CIC: variants seen among roughly 807,000 people sequenced by gnomAD.
CIC encodes capicua transcriptional repressor.
A neutral mutation model predicts 115.7 loss-of-function variants in CIC; 18 were observed. The observed-to-expected ratio is 0.16, with a 90% confidence interval of 0.11 to 0.23. The LOEUF (loss-of-function observed/expected upper bound fraction) is 0.23. CIC is among the 10% of genes least tolerant of loss of function. The probability of loss-of-function intolerance (pLI) is 1.00; values close to 1 mark genes in which losing one functional copy is unlikely to be tolerated. For synonymous variants in CIC, 1,076 were observed against 923.0 expected (o/e 1.17, Z -3.01); for missense variants, 2,000 against 2,159.3 (o/e 0.93, Z 1.46).
chr19:42,284,628 A>G (rs2037482577), intron 2 of CIC: 2 of 1,122,346 alleles, frequency 1.8e-6, no homozygotes, highest in Non-Finnish European at 2.5e-6. Flanking sequence ...GCGACGGCCG[A>G]GGAGCGGGCT....
At chr19:42,285,503 C>A (rs1450382193) in intron 2 of CIC, among the ~76,000 whole-genome samples, 1 of 152,200 alleles carries the variant, frequency 6.6e-6, no homozygotes, top group South Asian at 2.1e-4. Flanking sequence ...CTGAGGTCTA[C>A]TTTTTCCTTT....
Position 42,287,956 on chromosome 19 carries a change from C to T in CIC, c.3639C>T (p.Gly1213=), listed in dbSNP as rs2147207685. The T allele has an allele frequency of 6.3e-7, 1 of 1,598,290 alleles. No homozygotes were observed. The highest frequency in any genetic ancestry group is 8.5e-7 in the Non-Finnish European group (1 of 1,173,090). Residue 1213 remains glycine (G), a synonymous_variant, in exon 7 of 21, where the codon GGC becomes GGT. Transcript: ENST00000681038. The surrounding 1 kb of genome is among the most constrained non-coding windows in gnomAD (Gnocchi z 8.7). ...ETRERSMSET[G]TAAAPGVSSE... ...GGGAGCGGAGCATGTCGGAGACGGGCACTGCTGCTGCCCCTGGGGGTTAGT... is the reference window on the plus strand; with the variant it reads ...GGGAGCGGAGCATGTCGGAGACGGGTACTGCTGCTGCCCCTGGGGGTTAGT...
chr19:42,281,151 T>G (rs2147093150), intron 2 of CIC, among the ~76,000 whole-genome samples: 2 of 149,926 alleles, frequency 1.3e-5, no homozygotes, highest in East Asian at 2.0e-4. Context: ...TGGGTGGGTG[T>G]GTATGTGGAA....
rs190187068 is a variant in CIC, at chr19:42,270,518, G to C, written c.-11+1137G>C. Among the ~76,000 whole-genome samples, 21 of 152,340 alleles carry C rather than the reference G, an allele frequency of 1.4e-4. No individual in the cohort carries two copies. Among genetic ancestry groups the C allele is most frequent in the African/African-American group, 4.6e-4 (19 of 41,574 alleles). Reference sequence around the variant, plus strand: ...TTCTTTTCTCAGGGCAGCTCGAAAGGGGGCGGGCAGTAATGACTGTTCAGG... The same window carrying C: ...TTCTTTTCTCAGGGCAGCTCGAAAGCGGGCGGGCAGTAATGACTGTTCAGG... On this transcript the variant is annotated intron_variant, in intron 1 of 20. Transcript: ENST00000681038. This position sits in a 1 kb window ranked among gnomAD's most constrained non-coding sequence, Gnocchi z 4.1.
chr19:42,288,427 T>G (rs1417013630), intron 7 of CIC, among the ~76,000 whole-genome samples: 2 of 152,218 alleles, frequency 1.3e-5, no homozygotes, highest in Non-Finnish European at 2.9e-5. Context: ...GATGGGCTGC[T>G]TCCACTTATT....
chr19:42,292,892 T>G (rs1439823812), intron 15 of CIC, 33 bp downstream of exon 15: 1 of 1,613,470 alleles, frequency 6.2e-7, no homozygotes, highest in Non-Finnish European at 8.5e-7. Context: ...GCAGAGTGAG[T>G]TGGGGGACCC....
intron 11 of CIC, 40 bp downstream of exon 11, chr19:42,291,506 G>A (rs752302270): frequency 6.2e-7 from 1 of 1,613,134 alleles, no homozygotes; most frequent in East Asian, 2.2e-5. Flanking sequence ...AGGGGCCATA[G>A]TCCTGTTTGG....
rs919582808 is a variant in CIC at position 42,295,617 on chromosome 19, A to G, written c.*426A>G. On this transcript the variant is annotated 3_prime_UTR_variant, in exon 21 of 21. Coordinates refer to ENST00000681038, the MANE Select transcript of CIC (RefSeq NM_001386298.1). ...GGGGTGGGGGCTCCTGCACTTTGCC[A>G]CAGGCACGGGGAGGGTTTTCTCCTC... The G allele has an allele frequency of 7.5e-5, 18 of 239,064 alleles. No individual in the cohort carries two copies. Among genetic ancestry groups the G allele is most frequent in the Non-Finnish European group, 1.1e-4 (14 of 122,018 alleles). The allele number at this position is 239,064 out of a possible 1,614,324, so 14.8% of individuals were successfully genotyped here.
rs768868706 is a variant in CIC, at chr19:42,291,539, C to G, written c.5426-19C>G. On this transcript the variant is annotated intron_variant, in intron 11 of 20. Transcript: ENST00000681038. Reference sequence around the variant, plus strand: ...TGGCTCCCTTGTAACCTTTTCCTTTCTTGCCTCTTAACTTCCAGCCCAGTC... The same window carrying G: ...TGGCTCCCTTGTAACCTTTTCCTTTGTTGCCTCTTAACTTCCAGCCCAGTC... 6 of 1,613,006 alleles carry G rather than the reference C, an allele frequency of 3.7e-6. No homozygotes were observed. Among genetic ancestry groups the G allele is most frequent in the South Asian group, 2.2e-5 (2 of 91,084 alleles).
chr19:42,268,836 C>T (rs1339069728), upstream of CIC, among the ~76,000 whole-genome samples: 2 of 152,238 alleles, frequency 1.3e-5, no homozygotes, highest in Non-Finnish European at 2.9e-5. Flanking sequence ...TACCTCCGTT[C>T]ATTGGACAAC....
chr19:42,288,982 C>G lies in CIC; in HGVS notation c.3753C>G (p.His1251Gln), dbSNP rs2037868659. 1 of 1,613,924 alleles carries G rather than the reference C, an allele frequency of 6.2e-7. No individual in the cohort carries two copies. The highest frequency in any genetic ancestry group is 8.5e-7 in the Non-Finnish European group (1 of 1,180,046). ...GSSSCGAERL[H>Q]TVGGPGSARP... ...GCTCCTGTGGGGCAGAACGGCTACA[C>G]ACAGTTGGGGGACCTGGCTCAGCCC... Residue 1251 changes from histidine (H) to glutamine (Q), a missense_variant, in exon 8 of 21, where the codon CAC becomes CAG. His to Gln is a conservative substitution (Grantham distance 24). Around this residue, in one of 8 missense-constraint regions of CIC, gnomAD observed 1,466 missense variants for 1,390.4 expected, o/e 1.05. Transcript: ENST00000681038.
At position 42,287,459 on chromosome 19, in the gene CIC, C is replaced by A. The variant is rs373664149; in HGVS notation, c.3309+10C>A. 1 of 1,612,780 alleles carries A rather than the reference C, an allele frequency of 6.2e-7. No homozygotes were observed. Among genetic ancestry groups the A allele is most frequent in the African/African-American group, 1.3e-5 (1 of 75,046 alleles). ...ACGCAGCCCCAACAAGGTACTTTAT[C>A]CCTGCCTGTCCTGTGCTCACCCCGT... On this transcript the variant is annotated intron_variant, in intron 5 of 20. Coordinates refer to ENST00000681038, the MANE Select transcript of CIC (RefSeq NM_001386298.1). The surrounding 1 kb of genome is among the most constrained non-coding windows in gnomAD (Gnocchi z 8.7).
intron 2 of CIC, 85 bp downstream of exon 2, chr19:42,274,662 C>T (rs984086370): frequency 7.5e-6 from 3 of 398,236 alleles, no homozygotes; most frequent in Admixed American, 4.4e-5. Flanking sequence ...GTGAGCTCCT[C>T]ACCTTGGGAG....
Position 42,289,777 on chromosome 19 carries a change from G to A in CIC, c.4088-71G>A, listed in dbSNP as rs988732867. The A allele has an allele frequency of 6.6e-5, 86 of 1,297,474 alleles. No individual in the cohort carries two copies. In the Admixed American group the frequency reaches 1.1e-3, roughly 17 times the overall value. The allele number at this position is 1,297,474 out of a possible 1,614,324, so 80.4% of individuals were successfully genotyped here. A position where few individuals can be genotyped will look rare whatever the true frequency, so the allele number is the denominator to read the frequency against. On this transcript the variant is annotated intron_variant, in intron 9 of 20. Coordinates refer to ENST00000681038, the MANE Select transcript of CIC (RefSeq NM_001386298.1). ...GGTTTGGAGCAGAGCTGAGATCCAGGCTCCAGACTGTTTCTCCTGGGTCCC... is the reference window on the plus strand; with the variant it reads ...GGTTTGGAGCAGAGCTGAGATCCAGACTCCAGACTGTTTCTCCTGGGTCCC...
intron 7 of CIC, 151 bp downstream of exon 7, chr19:42,288,126 G>A (rs1289159974): frequency 1.5e-6 from 1 of 670,314 alleles, no homozygotes; most frequent in Non-Finnish European, 2.3e-6. Flanking sequence ...ACCGGCAGTT[G>A]ATTCATGTGA....
chr19:42,282,559 C>T (rs773866187), intron 2 of CIC, among the ~76,000 whole-genome samples: 1 of 152,228 alleles, frequency 6.6e-6, no homozygotes, highest in Non-Finnish European at 1.5e-5. Context: ...CTGTGGTCCA[C>T]GTGGCTCTGT....
At chr19:42,282,685 A>C (rs968653196) in intron 2 of CIC, among the ~76,000 whole-genome samples, 1 of 152,252 alleles carries the variant, frequency 6.6e-6, no homozygotes, top group Admixed American at 6.5e-5. Context: ...GGGCTGGTAC[A>C]TCTTGACTGC....
intron 1 of CIC, among the ~76,000 whole-genome samples, chr19:42,271,459 G>A (rs2036788011): frequency 6.6e-6 from 1 of 152,340 alleles, no homozygotes; most frequent in Non-Finnish European, 1.5e-5. Flanking sequence ...GACACAGGGA[G>A]TGCTCCATAG....
At position 42,295,455 on chromosome 19, in the gene CIC, C is replaced by T. The variant is rs2038449790; in HGVS notation, c.*264C>T. 1 of 449,366 alleles carries T rather than the reference C, an allele frequency of 2.2e-6. No homozygotes were observed. Among genetic ancestry groups the T allele is most frequent in the Non-Finnish European group, 4.0e-6 (1 of 251,218 alleles). The allele number at this position is 449,366 out of a possible 1,614,324, so 27.8% of individuals were successfully genotyped here. Reference sequence around the variant, plus strand: ...AGCGTGTGACCTTCAGAGCTTTTCACTTTATGCAAAATGGCTCCTGTGAGG... The same window carrying T: ...AGCGTGTGACCTTCAGAGCTTTTCATTTTATGCAAAATGGCTCCTGTGAGG... On this transcript the variant is annotated 3_prime_UTR_variant, in exon 21 of 21. Transcript: ENST00000681038.
Sources: gnomAD v4.1 joint callset for allele counts (sites outside exome capture counted in the v4.1 genomes callset) on GRCh38, gnomAD v4.1.1 for gene constraint, gnomAD v4.1.1 regional missense constraint, Gnocchi (gnomAD v3.1) non-coding constraint, MANE v1.5 for transcripts, NCBI Gene and HGNC (gene_info 2026-07-23, HGNC 2026-07-21) for gene names.